ANGPTL7: variants seen among roughly 807,000 people sequenced by gnomAD.
The protein encoded by ANGPTL7 is angiopoietin-related protein 7.
In ANGPTL7, 37 loss-of-function variants were observed where a neutral mutation model predicts 38.8. That is an observed-to-expected ratio of 0.95 (90% CI 0.73 to 1.25). ANGPTL7 has a LOEUF of 1.25. ANGPTL7 is among the 50% of genes most tolerant of loss of function. The probability of loss-of-function intolerance (pLI) is 0.00; values close to 1 mark genes in which losing one functional copy is unlikely to be tolerated. For synonymous variants in ANGPTL7, 166 were observed against 163.2 expected (o/e 1.02, Z -0.13); for missense variants, 427 against 438.6 (o/e 0.97, Z 0.24).
At chr1:11,194,317 G>A in intron 3 of ANGPTL7, 144 bp from the exon 4 acceptor site, 1 of 777,216 alleles carries the variant, frequency 1.3e-6, no homozygotes. Context: ...ACAGTAAACT[G>A]GAGGTAAACA....
chr1:11,193,577 C>T lies in ANGPTL7; in HGVS notation c.478-3C>T. 6.3e-7 allele frequency: 1 copy of T among 1,579,902 alleles called. No individual in the cohort carries two copies. The highest frequency in any genetic ancestry group is 8.6e-7 in the Non-Finnish European group (1 of 1,162,836). On this transcript the variant is annotated splice_polypyrimidine_tract_variant and splice_region_variant and intron_variant, in intron 2 of 4. Transcript: ENST00000376819. The stretch of plus-strand genomic sequence containing the variant: ...CCTCACCAGAGTATCCCCTCTGCTT[C>T]AGGTGTTCTGTGACATGGAGACTTC...
At position 11,195,374 on chromosome 1, in the gene ANGPTL7, C is replaced by T. The variant is rs12124598; in HGVS notation, c.*351C>T. ...GAGATCGTTTTATCTATTTTCTCTA[C>T]GGCTTAGGCTATGTGAGGGCAAAAC... On this transcript the variant is annotated 3_prime_UTR_variant, in exon 5 of 5. Coordinates refer to ENST00000376819, the MANE Select transcript of ANGPTL7 (RefSeq NM_021146.4). The T allele has an allele frequency of 0.054, 10,695 of 197,634 alleles. 427 individuals are homozygous for T. Among genetic ancestry groups the T allele is most frequent in the South Asian group, 0.11 (922 of 8,298 alleles). The allele number at this position is 197,634 out of a possible 1,614,324, so 12.2% of individuals were successfully genotyped here.
intron 1 of ANGPTL7, 128 bp downstream of exon 1, chr1:11,190,083 C>T: frequency 9.0e-7 from 1 of 1,109,766 alleles, no homozygotes; most frequent in African/African-American, 1.6e-5. Context: ...TTAGTAAAGG[C>T]TTATGCAGTA....
chr1:11,190,653 C>G (rs1162477700), intron 1 of ANGPTL7, among the ~76,000 whole-genome samples: 2 of 152,156 alleles, frequency 1.3e-5, no homozygotes, highest in African/African-American at 4.8e-5. Context: ...TAAATTTAAT[C>G]TTTCTTTTGC....
intron 1 of ANGPTL7, among the ~76,000 whole-genome samples, 161 bp downstream of exon 1, chr1:11,190,116 T>C (rs1002540673): frequency 1.3e-5 from 2 of 152,228 alleles, no homozygotes; most frequent in African/African-American, 4.8e-5. Flanking sequence ...TCTAATGCTA[T>C]GTAAGTTTAC....
In ANGPTL7 at chr1:11,192,268, A is replaced by G. The variant is rs1279995389; in HGVS notation, c.377-2A>G. ...CTCACCCTGTGGTTTGTTCTCTTGTAGATGCCATCTACGACTGCTCTTCCC... is the reference window on the plus strand; with the variant it reads ...CTCACCCTGTGGTTTGTTCTCTTGTGGATGCCATCTACGACTGCTCTTCCC... On this transcript the variant is annotated splice_acceptor_variant, in intron 1 of 4. Coordinates refer to ENST00000376819, the MANE Select transcript of ANGPTL7 (RefSeq NM_021146.4). LOFTEE classifies it high-confidence loss of function. The G allele has an allele frequency of 6.2e-7, 1 of 1,610,634 alleles. No homozygotes were observed. The highest frequency in any genetic ancestry group is 1.7e-5 in the Admixed American group (1 of 60,014).
chr1:11,189,907 G>A lies in ANGPTL7; in HGVS notation c.328G>A (p.Asp110Asn). ...SKYSEMNNQI[D>N]IMQLQAAQTV... is the part of the protein sequence containing the mutation. ...GTACTCCGAGATGAACAACCAAATTGACATCATGCAGCTGCAGGCAGCACA... is the reference window on the plus strand; with the variant it reads ...GTACTCCGAGATGAACAACCAAATTAACATCATGCAGCTGCAGGCAGCACA... Residue 110 changes from aspartate (D) to asparagine (N), a missense_variant, in exon 1 of 5, where the codon GAC (aspartate) becomes AAC (asparagine). Physicochemically the swap from Asp to Asn is conservative, Grantham distance 23. Transcript: ENST00000376819. 1 of 1,613,920 alleles carries A rather than the reference G, an allele frequency of 6.2e-7. No individual in the cohort carries two copies. Among genetic ancestry groups the A allele is most frequent in the Non-Finnish European group, 8.5e-7 (1 of 1,179,996 alleles).
At position 11,194,861 on chromosome 1, in the gene ANGPTL7, C is replaced by T; in HGVS notation, c.879C>T (p.Tyr293=). 6.2e-7 allele frequency: 1 copy of T among 1,614,014 alleles called. No homozygotes were observed. The highest frequency in any genetic ancestry group is 8.5e-7 in the Non-Finnish European group (1 of 1,179,950). The change falls in exon 5 of 5, where the codon TAC becomes TAT. Residue 293 remains tyrosine (Y), a synonymous_variant. Transcript: ENST00000376819. ...DKCAQLRKGG[Y]WYNCCTDSNL... ...GTCTGTTTCTCATGCCAGGTGGCTA[C>T]TGGTACAACTGCTGCACAGACTCCA...
Position 11,195,769 on chromosome 1 carries a change from T to C in ANGPTL7, c.*746T>C, listed in dbSNP as rs1645762918. 2.0e-5 allele frequency: 3 copies of C among 152,632 alleles called. No individual in the cohort carries two copies. Among genetic ancestry groups the C allele is most frequent in the Admixed American group, 2.0e-4 (3 of 15,286 alleles). 9.5% of individuals were successfully genotyped at this position (152,632 alleles called of 1,614,324 possible). A position where few individuals can be genotyped will look rare whatever the true frequency, so the allele number is the denominator to read the frequency against. ...AATATTCATAGTTAATACAGGTATA[T>C]CTATTTTTATTTACTTTGTAAGAAA... On this transcript the variant is annotated 3_prime_UTR_variant, in exon 5 of 5. Transcript: ENST00000376819.
Position 11,189,834 on chromosome 1 carries a change from G to A in ANGPTL7, c.255G>A (p.Glu85=). 1 of 1,614,208 alleles carries A rather than the reference G, an allele frequency of 6.2e-7. No individual in the cohort carries two copies. The highest frequency in any genetic ancestry group is 8.5e-7 in the Non-Finnish European group (1 of 1,180,036). The part of the protein sequence containing the change: ...VSVVMQVMEL[E]SNSKRMESRL... Reference sequence around the variant, plus strand: ...TGGTCATGCAGGTGATGGAGCTGGAGAGCAACAGCAAGCGCATGGAGTCGC... The same window carrying A: ...TGGTCATGCAGGTGATGGAGCTGGAAAGCAACAGCAAGCGCATGGAGTCGC... Residue 85 remains glutamate, a synonymous_variant, in exon 1 of 5, where the codon GAG becomes GAA. Coordinates refer to ENST00000376819, the MANE Select transcript of ANGPTL7 (RefSeq NM_021146.4).
intron 4 of ANGPTL7, 35 bp downstream of exon 4, chr1:11,194,694 G>A (rs1329215150): frequency 6.2e-7 from 1 of 1,613,180 alleles, no homozygotes; most frequent in Non-Finnish European, 8.5e-7. Context: ...GAGAAGTTCA[G>A]GTACAAGCTC....
chr1:11,190,060 G>C, intron 1 of ANGPTL7, 105 bp downstream of exon 1: 1 of 1,363,002 alleles, frequency 7.3e-7, no homozygotes, highest in East Asian at 2.3e-5. Context: ...TCTTTTGTGG[G>C]TACACTTTCC....
In ANGPTL7 at chr1:11,195,172, A is replaced by C; in HGVS notation, c.*149A>C. On this transcript the variant is annotated 3_prime_UTR_variant, in exon 5 of 5. Coordinates refer to ENST00000376819, the MANE Select transcript of ANGPTL7 (RefSeq NM_021146.4). ...GAAAGAATAAGTCTCCAAGGAGCAC[A>C]AAAAAATCATATGTACCAAGGATGT... 2.3e-6 allele frequency: 2 copies of C among 880,790 alleles called. No individual in the cohort carries two copies. 54.6% of individuals were successfully genotyped at this position (880,790 alleles called of 1,614,324 possible). A position where few individuals can be genotyped will look rare whatever the true frequency, so the allele number is the denominator to read the frequency against.
chr1:11,194,067 C>A (rs915637014), intron 3 of ANGPTL7, among the ~76,000 whole-genome samples: 2 of 152,118 alleles, frequency 1.3e-5, no homozygotes, highest in African/African-American at 4.8e-5. Context: ...CTGCTCTGGC[C>A]GAGCATGAGG....
rs1399920366 is a variant in ANGPTL7 at position 11,194,559 on chromosome 1, T to A, written c.771T>A (p.Asn257Lys). ...YRLFLGNYTG[N>K]VGNDALQYHN... ...TCTTCCTGGGGAACTACACTGGCAA[T>A]GTGGGGAACGACGCCCTCCAGTATC... The change falls in exon 4 of 5, where the codon AAT (asparagine) becomes AAA (lysine). Residue 257 changes from asparagine to lysine, a missense_variant. Physicochemically the swap from Asn to Lys is moderately conservative, Grantham distance 94. Coordinates refer to ENST00000376819, the MANE Select transcript of ANGPTL7 (RefSeq NM_021146.4). 1 of 1,613,968 alleles carries A rather than the reference T, an allele frequency of 6.2e-7. No homozygotes were observed. The highest frequency in any genetic ancestry group is 1.7e-5 in the Admixed American group (1 of 59,986).
intron 3 of ANGPTL7, among the ~76,000 whole-genome samples, chr1:11,194,235 G>C (rs1645683645): frequency 6.6e-6 from 1 of 152,212 alleles, no homozygotes; most frequent in South Asian, 2.1e-4. Context: ...AATATAGAAA[G>C]AGAGACTAAT....
chr1:11,190,479 A>C (rs1352136533), intron 1 of ANGPTL7, among the ~76,000 whole-genome samples: 1 of 152,216 alleles, frequency 6.6e-6, no homozygotes, highest in Non-Finnish European at 1.5e-5. Context: ...GTAGAGACAC[A>C]TAACCATGTG....
intron 2 of ANGPTL7, 134 bp downstream of exon 2, chr1:11,192,504 C>T (rs966676400): frequency 1.4e-6 from 1 of 708,490 alleles, no homozygotes; most frequent in Non-Finnish European, 2.4e-6. Context: ...ACCTGTAATC[C>T]CAGCACTATG....
Position 11,194,661 on chromosome 1 carries a change from T to A in ANGPTL7, c.871+2T>A. 2 of 1,613,006 alleles carry A rather than the reference T, an allele frequency of 1.2e-6. No individual in the cohort carries two copies. On this transcript the variant is annotated splice_donor_variant, in intron 4 of 4. Transcript: ENST00000376819. LOFTEE classifies it high-confidence loss of function. The stretch of plus-strand genomic sequence containing the variant: ...ACAAGTGTGCACAGCTCCGCAAAGG[T>A]GAGATTTGGGGGGACCGGAAAGGAG...
Sources: allele counts gnomAD v4.1 joint callset (sites outside exome capture counted in the v4.1 genomes callset), GRCh38; gene constraint gnomAD v4.1.1; transcripts MANE v1.5; gene names NCBI Gene and HGNC (gene_info 2026-07-23, HGNC 2026-07-21).